The following DTNB variants were observed in gnomAD, a reference collection of about 807,000 sequenced individuals.
DTNB encodes the protein dystrobrevin beta, also known as DTN-B.
In DTNB, 63 loss-of-function variants were observed where a neutral mutation model predicts 90.7. The observed-to-expected ratio is 0.69, with a 90% CI of 0.57 to 0.86. DTNB has a LOEUF of 0.86. Among genes scored for constraint, DTNB ranks in the 40% least tolerant of loss-of-function variants. The pLI, the probability that DTNB is intolerant of heterozygous loss-of-function variation, is 0.00. For missense variants in DTNB, 744 were observed against 807.1 expected (o/e 0.92, Z 0.95); for synonymous variants, 277 against 286.7 (o/e 0.97, Z 0.34).
In DTNB at chr2:25,464,415, G is replaced by T. The variant is rs144249582; in HGVS notation, c.1080-8921C>A. Among the ~76,000 whole-genome samples, 226 of 152,280 alleles carry T rather than the reference G, an allele frequency of 1.5e-3. 1 individual carries two copies. The highest frequency in any genetic ancestry group is 5.1e-3 in the African/African-American group (210 of 41,564). ...AAAGAGCTCCCACTAGCCAGAGTTGGAACAATTTGAGCAACAAAATAAATA... is the reference window on the plus strand; with the variant it reads ...AAAGAGCTCCCACTAGCCAGAGTTGTAACAATTTGAGCAACAAAATAAATA... On this transcript the variant is annotated intron_variant, in intron 10 of 20. Coordinates refer to ENST00000406818, the MANE Select transcript of DTNB (RefSeq NM_021907.5).
chr2:25,455,400 C>A lies in DTNB; in HGVS notation c.1169+5G>T, dbSNP rs1446065091. 2.5e-6 allele frequency: 4 copies of A among 1,590,226 alleles called. No homozygotes were observed. In the East Asian group the frequency reaches 6.9e-5, roughly 27 times the overall value. ...GCTACCCACTGCTGCTGCACCACCA[C>A]TGACCGTGCACAGTGCTGCAGACGG... On this transcript the variant is annotated splice_donor_5th_base_variant and intron_variant, in intron 11 of 20. Coordinates refer to ENST00000406818, the MANE Select transcript of DTNB (RefSeq NM_021907.5).
At chr2:25,580,485 C>T (rs990176936) in intron 7 of DTNB, among the ~76,000 whole-genome samples, 4 of 150,528 alleles carry the variant, frequency 2.7e-5, no homozygotes, top group Non-Finnish European at 5.9e-5. Flanking sequence ...TGCACCACAG[C>T]ACTCCAGCCT....
intron 10 of DTNB, among the ~76,000 whole-genome samples, chr2:25,462,487 A>G (rs1338477627): frequency 6.6e-6 from 1 of 152,226 alleles, no homozygotes; most frequent in African/African-American, 2.4e-5. Flanking sequence ...TTTTTAATCC[A>G]GTTGGACAAT....
intron 8 of DTNB, among the ~76,000 whole-genome samples, chr2:25,571,118 C>T (rs2059799489): frequency 1.3e-5 from 2 of 152,186 alleles, no homozygotes; most frequent in Admixed American, 1.3e-4. Context: ...AAATCTTAGA[C>T]TTTTCCTTGA....
rs1253913951 is a variant in DTNB at position 25,668,809 on chromosome 2, TAAAC to T, written c.-2+4573_-2+4576del. On this transcript the variant is annotated intron_variant, in intron 1 of 20. Transcript: ENST00000406818. ...CACAAAAGAAATGGAAACAGAGACTTAAACAGACATACAGATACCAATGTTCATA... is the reference window on the plus strand; with the variant it reads ...CACAAAAGAAATGGAAACAGAGACTTAGACATACAGATACCAATGTTCATA... Among the ~76,000 whole-genome samples, 11 of 152,194 alleles carry T rather than the reference TAAAC, an allele frequency of 7.2e-5. No individual in the cohort carries two copies. The South Asian group carries it at 2.1e-3, about 29-fold the overall frequency.
intron 16 of DTNB, among the ~76,000 whole-genome samples, chr2:25,401,252 C>T (rs1483339759): frequency 6.6e-6 from 1 of 152,144 alleles, no homozygotes; most frequent in Non-Finnish European, 1.5e-5. Flanking sequence ...TGACACTAAC[C>T]GTGATTTTCC....
chr2:25,585,087 G>T (rs1326811041), intron 6 of DTNB, among the ~76,000 whole-genome samples: 1 of 152,034 alleles, frequency 6.6e-6, no homozygotes, highest in East Asian at 1.9e-4. Context: ...TTGCTCTTGA[G>T]TTGAACACAT....
chr2:25,525,955 A>G (rs1158629030), intron 9 of DTNB, among the ~76,000 whole-genome samples: 6 of 152,056 alleles, frequency 3.9e-5, no homozygotes, highest in Admixed American at 2.6e-4. Context: ...ACCTCCAGCC[A>G]CACTCCCAAC....
rs139887752 is a variant in DTNB, at chr2:25,580,517, T to A, written c.709+204A>T. 5.2e-3 allele frequency among the ~76,000 whole-genome samples: 747 copies of A among 143,642 alleles called. 9 individuals are homozygous for A. The highest frequency in any genetic ancestry group is 0.019 in the African/African-American group (712 of 37,030). 94.2% of individuals were successfully genotyped at this position (143,642 alleles called of 152,430 possible). A position where few individuals can be genotyped will look rare whatever the true frequency, so the allele number is the denominator to read the frequency against. On this transcript the variant is annotated intron_variant, in intron 7 of 20. Transcript: ENST00000406818. Reference sequence around the variant, plus strand: ...GCCTGGGCAACAGAGTGAGACTCTGTCTCAAAAAAAAAAAAAAGTAATAAG... The same window carrying A: ...GCCTGGGCAACAGAGTGAGACTCTGACTCAAAAAAAAAAAAAAGTAATAAG...
At chr2:25,404,468 T>C (rs1454835627) in intron 16 of DTNB, among the ~76,000 whole-genome samples, 2 of 151,506 alleles carry the variant, frequency 1.3e-5, no homozygotes, top group Non-Finnish European at 2.9e-5. Context: ...AGCTGGAGTG[T>C]GGGGAGCAGG....
At chr2:25,534,143 G>A (rs1351861568) in intron 8 of DTNB, among the ~76,000 whole-genome samples, 2 of 152,082 alleles carry the variant, frequency 1.3e-5, no homozygotes, top group African/African-American at 2.4e-5. Flanking sequence ...AGGTCCCTGC[G>A]GCCTTTGGCC....
intron 9 of DTNB, among the ~76,000 whole-genome samples, chr2:25,487,441 A>G (rs1277596262): frequency 1.3e-5 from 2 of 152,248 alleles, no homozygotes; most frequent in African/African-American, 4.8e-5. Flanking sequence ...GAGTATGCGC[A>G]TAGGTTATAT....
At chr2:25,470,369 A>AT (rs71397496) in intron 10 of DTNB, among the ~76,000 whole-genome samples, 10,733 of 132,712 alleles carry the variant, frequency 0.081, 547 homozygotes, top group South Asian at 0.12. Flanking sequence ...TTACACGACA[A>AT]TTTTTTTTTT....
At chr2:25,567,179 T>C (rs943269307) in intron 8 of DTNB, among the ~76,000 whole-genome samples, 4 of 152,242 alleles carry the variant, frequency 2.6e-5, no homozygotes, top group Admixed American at 2.6e-4. Context: ...TGTCTAGTTT[T>C]GTACTTTGCA....
intron 4 of DTNB, among the ~76,000 whole-genome samples, chr2:25,607,558 T>C (rs1486216752): frequency 1.3e-5 from 2 of 152,204 alleles, no homozygotes; most frequent in African/African-American, 2.4e-5. Context: ...AAACATTCTA[T>C]GTAATTTCTG....
intron 4 of DTNB, among the ~76,000 whole-genome samples, chr2:25,610,231 C>T (rs2068234874): frequency 6.6e-6 from 1 of 152,210 alleles, no homozygotes; most frequent in African/African-American, 2.4e-5. Context: ...CCACCTTCGC[C>T]TCCTGAGTAG....
chr2:25,672,239 CAG>C (rs1025144692), intron 1 of DTNB, among the ~76,000 whole-genome samples: 2 of 128,298 alleles, frequency 1.6e-5, no homozygotes, highest in Admixed American at 8.2e-5. Context: ...AAAAAAGAGG[CAG>C]AGAGAGAGAA....
intron 9 of DTNB, among the ~76,000 whole-genome samples, chr2:25,514,507 C>CA (rs1558835862): frequency 3.0e-5 from 2 of 66,782 alleles, no homozygotes; most frequent in East Asian, 9.9e-4. Flanking sequence ...CCCACAAAAA[C>CA]AAAAAAAGAC....
intron 4 of DTNB, among the ~76,000 whole-genome samples, chr2:25,619,567 G>GA (rs1481512947): frequency 2.0e-5 from 3 of 152,162 alleles, no homozygotes; most frequent in African/African-American, 7.2e-5. Flanking sequence ...ATTGAGGAAT[G>GA]AAAGAAATAT....
Sources: allele counts gnomAD v4.1 joint callset (sites outside exome capture counted in the v4.1 genomes callset), GRCh38; gene constraint gnomAD v4.1.1; transcripts MANE v1.5; gene names NCBI Gene and HGNC (gene_info 2026-07-23, HGNC 2026-07-21).